MED15: variants seen among roughly 807,000 people sequenced by gnomAD.
MED15 encodes mediator of RNA polymerase II transcription subunit 15.
MED15 carries 41 observed loss-of-function variants against 118.7 expected under a neutral mutation model. That is an observed-to-expected ratio of 0.35 (90% CI 0.27 to 0.45). The LOEUF (loss-of-function observed/expected upper bound fraction) is 0.45. Ranked by LOEUF, MED15 falls within the 20% of genes least tolerant of loss-of-function variation. The pLI, the probability that MED15 is intolerant of heterozygous loss-of-function variation, is 1.00. For synonymous variants in MED15, 436 were observed against 413.9 expected, an observed-to-expected ratio of 1.05 and a Z score of -0.65; for missense variants, 740 against 1,025.5, an observed-to-expected ratio of 0.72 and a Z score of 3.80.
chr22:20,563,017 CAG>C (rs1569224754), intron 5 of MED15, among the ~76,000 whole-genome samples: 2 of 150,662 alleles, frequency 1.3e-5, no homozygotes, highest in African/African-American at 4.9e-5. Context: ...GACTGGGCAA[CAG>C]AGTGAGACCC....
intron 1 of MED15, chr22:20,518,875 C>G (rs975817323): frequency 4.4e-6 from 2 of 453,278 alleles, no homozygotes; most frequent in Non-Finnish European, 8.8e-6. Context: ...GTTTATTTGG[C>G]AGGGTCTCAC....
chr22:20,535,614 C>T (rs1188568011), intron 1 of MED15, among the ~76,000 whole-genome samples: 1 of 151,218 alleles, frequency 6.6e-6, no homozygotes, highest in Non-Finnish European at 1.5e-5. Context: ...GGCTGAAGTG[C>T]AGTGGCGCAA....
At chr22:20,523,225 G>A (rs1205371771) in intron 1 of MED15, among the ~76,000 whole-genome samples, 1 of 152,080 alleles carries the variant, frequency 6.6e-6, no homozygotes, top group Non-Finnish European at 1.5e-5. Flanking sequence ...GGTTTCCCAT[G>A]GCTTAGGTTG....
In MED15 at chr22:20,577,211, C is replaced by T. The variant is rs539984144; in HGVS notation, c.1272+1979C>T. 5.3e-5 allele frequency among the ~76,000 whole-genome samples: 8 copies of T among 152,308 alleles called. No homozygotes were observed. The East Asian group carries it at 1.5e-3, about 29-fold the overall frequency. Reference sequence around the variant, plus strand: ...AGGATTCTTCTGGAAACTCCTCACTCCCCTTCCTGCTGGGCTGATGACCTG... The same window carrying T: ...AGGATTCTTCTGGAAACTCCTCACTTCCCTTCCTGCTGGGCTGATGACCTG... On this transcript the variant is annotated intron_variant, in intron 9 of 17. Coordinates refer to ENST00000263205, the MANE Select transcript of MED15 (RefSeq NM_001003891.3).
At chr22:20,521,516 T>G (rs1183025246) in intron 1 of MED15, among the ~76,000 whole-genome samples, 2 of 151,098 alleles carry the variant, frequency 1.3e-5, no homozygotes, top group Non-Finnish European at 2.9e-5. Flanking sequence ...CCTGAGTAGC[T>G]GGGACTACAG....
intron 2 of MED15, among the ~76,000 whole-genome samples, chr22:20,545,567 G>A (rs2055498514): frequency 6.6e-6 from 1 of 152,036 alleles, no homozygotes; most frequent in Non-Finnish European, 1.5e-5. Flanking sequence ...CCATTGAATG[G>A]CATGTTTTAA....
At position 20,551,420 on chromosome 22, in the gene MED15, C is replaced by A; in HGVS notation, c.157-16C>A. 1 of 1,613,232 alleles carries A rather than the reference C, an allele frequency of 6.2e-7. No homozygotes were observed. ...TCTTCATCTGGTATTAAACTGCTTC[C>A]TGTTTTTACTTTTAGGACGAATACC... On this transcript the variant is annotated splice_polypyrimidine_tract_variant and intron_variant, in intron 2 of 17. Transcript: ENST00000263205.
chr22:20,549,510 A>G (rs1182972821), intron 2 of MED15, among the ~76,000 whole-genome samples: 1 of 152,078 alleles, frequency 6.6e-6, no homozygotes, highest in Admixed American at 6.6e-5. Flanking sequence ...GAGCCCAGCC[A>G]GGGGGATCAG....
chr22:20,519,543 C>T (rs933224903), intron 1 of MED15, among the ~76,000 whole-genome samples: 1 of 152,068 alleles, frequency 6.6e-6, no homozygotes, highest in African/African-American at 2.4e-5. Flanking sequence ...CAACCTCCGC[C>T]TTCCGAGTTC....
intron 1 of MED15, among the ~76,000 whole-genome samples, chr22:20,510,140 A>C (rs2054012584): frequency 6.6e-6 from 1 of 152,174 alleles, no homozygotes. Flanking sequence ...TAATCCCAGC[A>C]CTTTGGGAGA....
At chr22:20,553,208 C>A (rs999174666) in intron 4 of MED15, 34 bp downstream of exon 4, 3 of 1,603,082 alleles carry the variant, frequency 1.9e-6, no homozygotes, top group Non-Finnish European at 2.6e-6. Context: ...AAAGTTTCTC[C>A]CAACTTTGGA....
chr22:20,564,430 C>T lies in MED15; in HGVS notation c.452-20C>T, dbSNP rs555413799. ...GGAATCTGCCCTGTGGACTGACTGGCGACTCTGGTCTTTTCTCAGCCCAGC... is the reference window on the plus strand; with the variant it reads ...GGAATCTGCCCTGTGGACTGACTGGTGACTCTGGTCTTTTCTCAGCCCAGC... On this transcript the variant is annotated intron_variant, in intron 5 of 17. Transcript: ENST00000263205. 92 of 1,612,976 alleles carry T rather than the reference C, an allele frequency of 5.7e-5. 1 individual carries two copies. The South Asian group carries it at 7.4e-4, about 13-fold the overall frequency.
intron 1 of MED15, among the ~76,000 whole-genome samples, chr22:20,531,336 A>G (rs1486561915): frequency 6.6e-6 from 1 of 152,250 alleles, no homozygotes; most frequent in Non-Finnish European, 1.5e-5. Context: ...GACCAGGCCA[A>G]CAGTGGGCCT....
intron 1 of MED15, among the ~76,000 whole-genome samples, chr22:20,515,789 A>G (rs1487835709): frequency 6.6e-6 from 1 of 151,742 alleles, no homozygotes; most frequent in Non-Finnish European, 1.5e-5. Context: ...AGTCTCAAAA[A>G]AAAAAAATAT....
chr22:20,537,277 C>T (rs2055117629), intron 2 of MED15, 73 bp downstream of exon 2: 1 of 1,371,240 alleles, frequency 7.3e-7, no homozygotes, highest in Admixed American at 1.8e-5. Context: ...TCTGGAACCC[C>T]TCTGTTGGGT....
chr22:20,513,918 C>T (rs1263738162), intron 1 of MED15, among the ~76,000 whole-genome samples: 1 of 152,176 alleles, frequency 6.6e-6, no homozygotes, highest in African/African-American at 2.4e-5. Context: ...GGTTGGAGTG[C>T]AGTGGCATGA....
At chr22:20,565,224 G>T (rs1260521614) in intron 6 of MED15, among the ~76,000 whole-genome samples, 4 of 152,234 alleles carry the variant, frequency 2.6e-5, no homozygotes, top group Non-Finnish European at 5.9e-5. Context: ...CTTCCATTTG[G>T]GCTTGGGCAT....
chr22:20,509,527 A>G (rs1018119348), intron 1 of MED15, among the ~76,000 whole-genome samples: 3 of 151,524 alleles, frequency 2.0e-5, no homozygotes, highest in African/African-American at 7.3e-5. Context: ...AAAGAGGAAG[A>G]CAGATTCCAG....
intron 17 of MED15, among the ~76,000 whole-genome samples, 198 bp downstream of exon 17, chr22:20,586,024 C>G (rs1430455553): frequency 3.3e-5 from 5 of 152,226 alleles, no homozygotes; most frequent in Admixed American, 6.5e-5. Flanking sequence ...AAAAGGGTCT[C>G]TGCTCCCACT....
Sources: gnomAD v4.1 joint callset for allele counts (sites outside exome capture counted in the v4.1 genomes callset) on GRCh38, gnomAD v4.1.1 for gene constraint, MANE v1.5 for transcripts, NCBI Gene and HGNC (gene_info 2026-07-23, HGNC 2026-07-21) for gene names.